MAT2B: variants seen among roughly 807,000 people sequenced by gnomAD.
MAT2B encodes the protein methionine adenosyltransferase 2 non-catalytic beta subunit.
MAT2B carries 16 observed loss-of-function variants against 36.1 expected under a neutral mutation model. The ratio of observed to expected loss-of-function variants is 0.44; its 90% CI spans 0.30 to 0.67. MAT2B has a LOEUF of 0.67. Among genes scored for constraint, MAT2B ranks in the 30% least tolerant of loss-of-function variants. The pLI, the probability that MAT2B is intolerant of heterozygous loss-of-function variation, is 0.09. For synonymous variants in MAT2B, 148 were observed against 136.9 expected (o/e 1.08, Z -0.57); for missense variants, 332 against 398.2 (o/e 0.83, Z 1.42).
intron 6 of MAT2B, chr5:163,517,976 G>A (rs1760158574): frequency 7.8e-6 from 4 of 510,200 alleles, no homozygotes; most frequent in Non-Finnish European, 1.4e-5. Context: ...AAAATGGCCA[G>A]GCACAATGGC....
chr5:163,512,259 A>G (rs1372773932), intron 2 of MAT2B, 63 bp downstream of exon 2: 2 of 1,353,374 alleles, frequency 1.5e-6, no homozygotes, highest in Admixed American at 3.4e-5. Context: ...GATGATACAG[A>G]AACTATCCTT....
upstream of MAT2B, chr5:163,505,531 C>T (rs1368900659): frequency 2.4e-6 from 3 of 1,242,164 alleles, no homozygotes; most frequent in Non-Finnish European, 3.0e-6. Context: ...CGTGGCCAAT[C>T]AACGGGCGCG....
Position 163,518,513 on chromosome 5 carries a change from G to A in MAT2B, c.*150G>A. Reference sequence around the variant, plus strand: ...ATGATGCTCTTGCACTAGTGAAATTGTCTAAAGAAACTAAAGGGCAGTCAT... The same window carrying A: ...ATGATGCTCTTGCACTAGTGAAATTATCTAAAGAAACTAAAGGGCAGTCAT... On this transcript the variant is annotated 3_prime_UTR_variant, in exon 7 of 7. Transcript: ENST00000321757. The A allele has an allele frequency of 1.7e-6, 1 of 604,296 alleles. No individual in the cohort carries two copies. The highest frequency in any genetic ancestry group is 2.6e-6 in the Non-Finnish European group (1 of 378,622). 37.4% of individuals were successfully genotyped at this position (604,296 alleles called of 1,614,324 possible).
At chr5:163,514,376 A>T (rs1012743975) in intron 4 of MAT2B, among the ~76,000 whole-genome samples, 34 of 152,162 alleles carry the variant, frequency 2.2e-4, no homozygotes, top group Non-Finnish European at 1.0e-4. Flanking sequence ...ATTCTGTTAT[A>T]TGTATGTTGT....
intron 6 of MAT2B, 156 bp from the exon 7 acceptor site, chr5:163,518,037 G>C (rs1760159326): frequency 1.8e-6 from 1 of 555,082 alleles, no homozygotes; most frequent in African/African-American, 1.9e-5. Context: ...AGGATCCCTT[G>C]AGCCCAGGAA....
intron 4 of MAT2B, among the ~76,000 whole-genome samples, chr5:163,514,208 A>G (rs1215554594): frequency 6.6e-6 from 1 of 152,224 alleles, no homozygotes; most frequent in Non-Finnish European, 1.5e-5. Context: ...TTACATATTC[A>G]TCTTTACACA....
intron 5 of MAT2B, 195 bp downstream of exon 5, chr5:163,516,906 A>G: frequency 1.6e-6 from 1 of 610,810 alleles, no homozygotes; most frequent in African/African-American, 1.8e-5. Flanking sequence ...TTCTGTTTGA[A>G]TTTATTTCTT....
chr5:163,514,234 G>A (rs1224740150), intron 4 of MAT2B, among the ~76,000 whole-genome samples: 2 of 152,068 alleles, frequency 1.3e-5, no homozygotes, highest in Non-Finnish European at 2.9e-5. Context: ...AACAAGTCAG[G>A]TAATACAAGC....
upstream of MAT2B, among the ~76,000 whole-genome samples, chr5:163,504,654 G>A (rs1425748908): frequency 6.6e-6 from 1 of 152,234 alleles, no homozygotes; most frequent in Non-Finnish European, 1.5e-5. Flanking sequence ...ATCCTACACG[G>A]CCTGTGCCAG....
upstream of MAT2B, among the ~76,000 whole-genome samples, chr5:163,504,698 A>C (rs1188592140): frequency 6.6e-6 from 1 of 152,230 alleles, no homozygotes; most frequent in East Asian, 1.9e-4. Flanking sequence ...ACAGGCGTCC[A>C]GCCTGGCTGA....
At position 163,512,077 on chromosome 5, in the gene MAT2B, G is replaced by T; in HGVS notation, c.139G>T (p.Glu47Ter). 6.2e-7 allele frequency: 1 copy of T among 1,614,176 alleles called. No homozygotes were observed. Among genetic ancestry groups the T allele is most frequent in the Non-Finnish European group, 8.5e-7 (1 of 1,180,014 alleles). Reference sequence around the variant, plus strand: ...GCTTCTTGGCAGAGCTGTACACAAAGAATTTCAGCAGAATAATTGGCATGC... The same window carrying T: ...GCTTCTTGGCAGAGCTGTACACAAATAATTTCAGCAGAATAATTGGCATGC... ...TGLLGRAVHK[E>*]FQQNNWHAVG... is the part of the protein sequence containing the mutation. The change falls in exon 2 of 7, where the codon GAA becomes TAA. Residue 47 changes from glutamate to a stop codon, truncating the protein, a stop_gained. Coordinates refer to ENST00000321757, the MANE Select transcript of MAT2B (RefSeq NM_013283.5). LOFTEE classifies it high-confidence loss of function.
At chr5:163,503,378 G>A, upstream of MAT2B, 1 of 1,613,790 alleles carries the variant, frequency 6.2e-7, no homozygotes, top group Non-Finnish European at 8.5e-7. Context: ...CTGCTCTCCT[G>A]AAATAATTCT....
chr5:163,514,024 G>A (rs2113558837), intron 4 of MAT2B, 30 bp downstream of exon 4: 1 of 1,564,248 alleles, frequency 6.4e-7, no homozygotes, highest in South Asian at 1.2e-5. Context: ...GCCCCTGATT[G>A]TTTTTGAAGA....
upstream of MAT2B, among the ~76,000 whole-genome samples, chr5:163,504,172 G>T (rs1271303833): frequency 1.3e-5 from 2 of 152,116 alleles, no homozygotes; most frequent in African/African-American, 4.8e-5. Flanking sequence ...CGAATTCCCA[G>T]TTAAGAGAAA....
At chr5:163,513,220 GCCTCAA>G in intron 2 of MAT2B, 1 of 195,514 alleles carries the variant, frequency 5.1e-6, no homozygotes, top group East Asian at 1.3e-4. Flanking sequence ...TGAACTCCTG[GCCTCAA>G]GCATTGTCTC....
At chr5:163,507,461 G>C (rs187013982) in intron 1 of MAT2B, among the ~76,000 whole-genome samples, 2 of 152,136 alleles carry the variant, frequency 1.3e-5, no homozygotes, top group Non-Finnish European at 1.5e-5. Context: ...CCGTACTTCA[G>C]AGTTTAGACA....
At chr5:163,518,116 A>G in intron 6 of MAT2B, 77 bp from the exon 7 acceptor site, 1 of 991,464 alleles carries the variant, frequency 1.0e-6, no homozygotes, top group Non-Finnish European at 1.5e-6. Flanking sequence ...ATTTAAAAAA[A>G]GGTCAGGGGG....
chr5:163,512,552 T>A, intron 2 of MAT2B: 2 of 379,296 alleles, frequency 5.3e-6, no homozygotes, highest in South Asian at 4.2e-5. Context: ...AGGTTTTCGG[T>A]ATCATTGATA....
chr5:163,509,896 T>C (rs1760011457), intron 1 of MAT2B, among the ~76,000 whole-genome samples: 1 of 152,244 alleles, frequency 6.6e-6, no homozygotes, highest in Non-Finnish European at 1.5e-5. Flanking sequence ...ACTTTTAAAA[T>C]GTCTTGAAAT....
Sources: allele counts gnomAD v4.1 joint callset (sites outside exome capture counted in the v4.1 genomes callset), GRCh38; gene constraint gnomAD v4.1.1; transcripts MANE v1.5; gene names NCBI Gene and HGNC (gene_info 2026-07-23, HGNC 2026-07-21).